LRP1B: variants seen among roughly 807,000 people sequenced by gnomAD.
LRP1B encodes LDL receptor related protein 1B.
LRP1B carries 217 observed loss-of-function variants against 556.6 expected under a neutral mutation model. That is an observed-to-expected ratio of 0.39 (90% CI 0.35 to 0.44). LRP1B has a LOEUF of 0.44. LRP1B is among the 20% of genes least tolerant of loss of function. The pLI is 1.00. For synonymous variants in LRP1B, 2,047 were observed against 1,865.8 expected (o/e 1.10, Z -2.50); for missense variants, 5,053 against 5,620.8 (o/e 0.90, Z 3.23).
chr2:141,091,405 C>T (rs1700168236), intron 7 of LRP1B, among the ~76,000 whole-genome samples: 1 of 152,090 alleles, frequency 6.6e-6, no homozygotes, highest in African/African-American at 2.4e-5. Context: ...TGATAAAAAA[C>T]AAAAACAACA....
intron 6 of LRP1B, among the ~76,000 whole-genome samples, chr2:141,212,441 G>A (rs1172521456): frequency 6.7e-6 from 1 of 148,430 alleles, no homozygotes; most frequent in Admixed American, 6.7e-5. Flanking sequence ...ACCACGCCCG[G>A]ATAATTTTTT....
At chr2:141,667,874 T>C (rs1252868916) in intron 2 of LRP1B, among the ~76,000 whole-genome samples, 1 of 152,156 alleles carries the variant, frequency 6.6e-6, no homozygotes, top group Non-Finnish European at 1.5e-5. Flanking sequence ...AATGGATGGA[T>C]GAATAGGTAA....
At chr2:142,078,091 C>G (rs1359661839) in intron 1 of LRP1B, among the ~76,000 whole-genome samples, 1 of 152,090 alleles carries the variant, frequency 6.6e-6, no homozygotes, top group Non-Finnish European at 1.5e-5. Context: ...ATACCCTGCA[C>G]TTTGTTCCCT....
At chr2:140,939,110 A>G (rs1447869000) in intron 20 of LRP1B, among the ~76,000 whole-genome samples, 1 of 152,096 alleles carries the variant, frequency 6.6e-6, no homozygotes, top group Non-Finnish European at 1.5e-5. Flanking sequence ...AGAAAGAGAA[A>G]AAAAGTACTA....
At chr2:141,444,181 C>A (rs1681092184) in intron 3 of LRP1B, among the ~76,000 whole-genome samples, 1 of 151,936 alleles carries the variant, frequency 6.6e-6, no homozygotes. Flanking sequence ...GTATTTTATT[C>A]TTTTTGTAGC....
At chr2:140,598,563 G>C (rs1447191476) in intron 43 of LRP1B, 68 bp downstream of exon 43, 1 of 1,196,818 alleles carries the variant, frequency 8.4e-7, no homozygotes, top group African/African-American at 1.5e-5. Context: ...TTTTAGGAGA[G>C]TATAAATCAC....
chr2:140,394,174 C>T (rs1684153267), intron 66 of LRP1B, among the ~76,000 whole-genome samples: 1 of 112,250 alleles, frequency 8.9e-6, no homozygotes, highest in Admixed American at 1.1e-4. Context: ...AAATATATAA[C>T]ATTCTTATTG....
rs1431331299 is a variant in LRP1B, at chr2:140,700,535, G to A, written c.6514C>T (p.His2172Tyr). Residue 2172 changes from histidine (H) to tyrosine (Y), a missense_variant, in exon 41 of 91, where the codon CAT (histidine) becomes TAT (tyrosine). By Grantham distance (83) the His-to-Tyr change is moderately conservative. Coordinates refer to ENST00000389484, the MANE Select transcript of LRP1B (RefSeq NM_018557.3). ...ACTCCATCTTCTGCCAAATATCCATGGGCACAAGCACAAGTTCTCCGGGAA... is the reference window on the plus strand; with the variant it reads ...ACTCCATCTTCTGCCAAATATCCATAGGCACAAGCACAAGTTCTCCGGGAA... The part of the protein sequence containing the change: ...GNSRRTCACA[H>Y]GYLAEDGVTC... 2.5e-6 allele frequency: 4 copies of A among 1,613,430 alleles called. No homozygotes were observed. The highest frequency in any genetic ancestry group is 3.4e-6 in the Non-Finnish European group (4 of 1,179,614).
intron 27 of LRP1B, among the ~76,000 whole-genome samples, chr2:140,858,409 T>C (rs1289470232): frequency 6.6e-6 from 1 of 151,280 alleles, no homozygotes; most frequent in Non-Finnish European, 1.5e-5. Context: ...GTATTATGTA[T>C]GTATGTATGT....
At chr2:141,123,952 T>C (rs1882634) in intron 7 of LRP1B, among the ~76,000 whole-genome samples, 2,621 of 152,048 alleles carry the variant, frequency 0.017, 35 homozygotes, top group Middle Eastern at 0.037. Context: ...AGTGATAGAG[T>C]AAATTGTTAG....
At chr2:141,107,977 A>C (rs915680388) in intron 7 of LRP1B, among the ~76,000 whole-genome samples, 11 of 152,164 alleles carry the variant, frequency 7.2e-5, no homozygotes, top group African/African-American at 2.7e-4. Flanking sequence ...AGTACTCATT[A>C]TATCAGCTTG....
At chr2:142,040,464 C>T (rs1704024733) in intron 1 of LRP1B, among the ~76,000 whole-genome samples, 1 of 151,232 alleles carries the variant, frequency 6.6e-6, no homozygotes, top group Admixed American at 6.6e-5. Context: ...AGTTCAATTT[C>T]CTCATCAGTT....
intron 29 of LRP1B, among the ~76,000 whole-genome samples, chr2:140,846,216 G>A (rs1039923817): frequency 6.6e-6 from 1 of 152,152 alleles, no homozygotes; most frequent in Non-Finnish European, 1.5e-5. Context: ...TCTCAACTTG[G>A]AGTTTTGTAC....
At chr2:140,448,609 G>A (rs896204255) in intron 63 of LRP1B, among the ~76,000 whole-genome samples, 5 of 152,054 alleles carry the variant, frequency 3.3e-5, no homozygotes, top group African/African-American at 1.2e-4. Context: ...TGGAGATTGG[G>A]GAGATTAGGA....
chr2:141,886,821 A>G (rs1375429243), intron 1 of LRP1B, among the ~76,000 whole-genome samples: 1 of 151,806 alleles, frequency 6.6e-6, no homozygotes, highest in East Asian at 1.9e-4. Flanking sequence ...AAATTGTTCA[A>G]CTCGATAGTG....
chr2:142,094,044 T>C (rs572049009), intron 1 of LRP1B, among the ~76,000 whole-genome samples: 1 of 152,070 alleles, frequency 6.6e-6, no homozygotes, highest in Admixed American at 6.6e-5. Context: ...TTCCAATTCA[T>C]AGATGTCATC....
At chr2:140,347,169 T>C (rs2105108521) in intron 77 of LRP1B, among the ~76,000 whole-genome samples, 1 of 152,036 alleles carries the variant, frequency 6.6e-6, no homozygotes, top group Middle Eastern at 3.4e-3. Flanking sequence ...CAAGAGCATG[T>C]ACAATTGTTG....
intron 2 of LRP1B, among the ~76,000 whole-genome samples, chr2:141,603,603 G>A (rs567291683): frequency 6.6e-6 from 1 of 152,190 alleles, no homozygotes; most frequent in South Asian, 2.1e-4. Context: ...ATATATAAAT[G>A]TTGCAATATC....
intron 32 of LRP1B, among the ~76,000 whole-genome samples, chr2:140,791,254 A>C (rs967128000): frequency 3.3e-5 from 5 of 151,862 alleles, no homozygotes; most frequent in African/African-American, 1.2e-4. Flanking sequence ...CTCCATCTAA[A>C]AGCAAAACAA....
Sources: gnomAD v4.1 joint callset for allele counts (sites outside exome capture counted in the v4.1 genomes callset) on GRCh38, gnomAD v4.1.1 for gene constraint, MANE v1.5 for transcripts, NCBI Gene and HGNC (gene_info 2026-07-23, HGNC 2026-07-21) for gene names.